The following THSD7B variants were observed in gnomAD, a reference collection of about 807,000 sequenced individuals.
The protein encoded by THSD7B is thrombospondin type 1 domain containing 7B, also known as thrombospondin type-1 domain-containing protein 7B.
A neutral mutation model predicts 213.6 loss-of-function variants in THSD7B; 138 were observed. The observed-to-expected ratio is 0.65, with a 90% CI of 0.56 to 0.74. The LOEUF (loss-of-function observed/expected upper bound fraction) is 0.74. Ranked by LOEUF, THSD7B falls within the 30% of genes least tolerant of loss-of-function variation. The probability of loss-of-function intolerance (pLI) is 0.00; values close to 1 mark genes in which losing one functional copy is unlikely to be tolerated. For missense variants in THSD7B, 1,931 were observed against 1,991.5 expected (o/e 0.97, Z 0.58); for synonymous variants, 742 against 687.0 (o/e 1.08, Z -1.25).
intron 17 of THSD7B, among the ~76,000 whole-genome samples, chr2:137,604,105 AAAT>A (rs887679176): frequency 6.6e-6 from 1 of 152,096 alleles, no homozygotes; most frequent in South Asian, 2.1e-4. Flanking sequence ...TCTCGAAAAA[AAAT>A]AATAATAATA....
chr2:136,902,633 A>G (rs1684081886), intron 2 of THSD7B, among the ~76,000 whole-genome samples: 1 of 152,206 alleles, frequency 6.6e-6, no homozygotes, highest in Non-Finnish European at 1.5e-5. Flanking sequence ...CGTGGTATAC[A>G]TTCCACATTT....
intron 15 of THSD7B, among the ~76,000 whole-genome samples, chr2:137,487,473 T>A (rs1558812992): frequency 7.0e-6 from 1 of 142,634 alleles, no homozygotes; most frequent in Non-Finnish European, 1.5e-5. Flanking sequence ...AGAGCAGAAC[T>A]GAAGGAAATA....
chr2:136,974,933 C>T (rs532373833), intron 2 of THSD7B, among the ~76,000 whole-genome samples: 1 of 152,016 alleles, frequency 6.6e-6, no homozygotes, highest in African/African-American at 2.4e-5. Flanking sequence ...TTTTGATTTA[C>T]ATTTCTCTAA....
chr2:136,810,896 G>A (rs1175114973), intron 1 of THSD7B, among the ~76,000 whole-genome samples: 2 of 152,144 alleles, frequency 1.3e-5, no homozygotes, highest in African/African-American at 2.4e-5. Context: ...TTCCTTCATA[G>A]GGGTATCATG....
At position 137,462,328 on chromosome 2, in the gene THSD7B, G is replaced by T. The variant is rs1687901591; in HGVS notation, c.3138+11305G>T. ...CTTCAAGTTATAAAAGCTCACAGGG[G>T]CATTGAAAATGTAACAGCATTCACT... is the stretch of plus-strand genomic sequence containing the variant. On this transcript the variant is annotated intron_variant, in intron 15 of 27. Transcript: ENST00000409968. 2.6e-5 allele frequency among the ~76,000 whole-genome samples: 4 copies of T among 151,998 alleles called. No homozygotes were observed. The South Asian group carries it at 8.3e-4, about 31-fold the overall frequency.
intron 1 of THSD7B, among the ~76,000 whole-genome samples, chr2:136,772,245 A>G (rs140658300): frequency 1.3e-5 from 2 of 152,148 alleles, no homozygotes; most frequent in Non-Finnish European, 2.9e-5. Context: ...TCCAAAATGC[A>G]AGAACACACA....
intron 15 of THSD7B, among the ~76,000 whole-genome samples, chr2:137,546,398 T>C (rs1298608404): frequency 2.3e-5 from 1 of 43,380 alleles, no homozygotes; most frequent in Non-Finnish European, 3.6e-5. Flanking sequence ...ATATATATTA[T>C]ATATATTATA....
intron 2 of THSD7B, among the ~76,000 whole-genome samples, chr2:137,039,715 C>T (rs1253876813): frequency 6.6e-6 from 1 of 152,226 alleles, no homozygotes; most frequent in Non-Finnish European, 1.5e-5. Flanking sequence ...GAAGGTCACA[C>T]AGTGCTGAAT....
At chr2:137,588,240 C>T (rs1219576404) in intron 17 of THSD7B, among the ~76,000 whole-genome samples, 2 of 152,142 alleles carry the variant, frequency 1.3e-5, no homozygotes, top group Non-Finnish European at 2.9e-5. Flanking sequence ...GTCACAGATT[C>T]CCTTGGCTAG....
intron 2 of THSD7B, among the ~76,000 whole-genome samples, chr2:136,965,896 A>G (rs1024963897): frequency 6.6e-6 from 1 of 152,190 alleles, no homozygotes; most frequent in Non-Finnish European, 1.5e-5. Flanking sequence ...AAAAAAATTC[A>G]TTAGGAATCT....
intron 15 of THSD7B, among the ~76,000 whole-genome samples, chr2:137,562,515 C>T (rs953304801): frequency 6.6e-6 from 1 of 151,900 alleles, no homozygotes; most frequent in Non-Finnish European, 1.5e-5. Flanking sequence ...TTACTGTACT[C>T]ATTGTTTTCA....
At chr2:137,535,239 C>T (rs1247300988) in intron 15 of THSD7B, among the ~76,000 whole-genome samples, 3 of 151,468 alleles carry the variant, frequency 2.0e-5, no homozygotes, top group Admixed American at 6.6e-5. Flanking sequence ...CATTGACACA[C>T]TTGGCTGAAA....
At chr2:137,210,756 C>T (rs1681085399) in intron 7 of THSD7B, among the ~76,000 whole-genome samples, 2 of 151,920 alleles carry the variant, frequency 1.3e-5, no homozygotes, top group South Asian at 4.1e-4. Flanking sequence ...TTCTCTTGTA[C>T]AACTTTTATG....
intron 3 of THSD7B, among the ~76,000 whole-genome samples, chr2:137,067,291 G>C (rs186604104): frequency 6.6e-6 from 1 of 152,176 alleles, no homozygotes; most frequent in Admixed American, 6.6e-5. Flanking sequence ...CAAATGGAAC[G>C]GGGGTAATTA....
At chr2:137,404,504 CACATAT>C (rs1686461275) in intron 12 of THSD7B, among the ~76,000 whole-genome samples, 1 of 128,700 alleles carries the variant, frequency 7.8e-6, no homozygotes, top group Non-Finnish European at 1.7e-5. Flanking sequence ...CACACACACA[CACATAT>C]ATGTATATAC....
At chr2:137,423,140 A>C (rs1159217994) in intron 14 of THSD7B, among the ~76,000 whole-genome samples, 1 of 152,116 alleles carries the variant, frequency 6.6e-6, no homozygotes, top group Non-Finnish European at 1.5e-5. Flanking sequence ...CTTCAAAAAC[A>C]AAAGCAAGTA....
intron 2 of THSD7B, among the ~76,000 whole-genome samples, chr2:136,917,183 C>T (rs569396687): frequency 6.6e-6 from 1 of 152,158 alleles, no homozygotes; most frequent in Non-Finnish European, 1.5e-5. Context: ...AAGTTATCCT[C>T]CCCGCATCCC....
intron 2 of THSD7B, among the ~76,000 whole-genome samples, chr2:136,946,612 G>A (rs1432121733): frequency 1.3e-5 from 2 of 152,208 alleles, no homozygotes; most frequent in Admixed American, 6.5e-5. Flanking sequence ...GAGGGAGCAA[G>A]CTTTGCTGTG....
chr2:137,430,539 T>C (rs565837780), intron 14 of THSD7B, among the ~76,000 whole-genome samples: 2 of 152,304 alleles, frequency 1.3e-5, no homozygotes, highest in African/African-American at 4.8e-5. Flanking sequence ...GCCCCATGGA[T>C]AAAATCTCCT....
Sources: gnomAD v4.1 joint callset for allele counts (sites outside exome capture counted in the v4.1 genomes callset) on GRCh38, gnomAD v4.1.1 for gene constraint, MANE v1.5 for transcripts, NCBI Gene and HGNC (gene_info 2026-07-23, HGNC 2026-07-21) for gene names.